The following LRCH3 variants were observed in gnomAD, a reference collection of about 807,000 sequenced individuals.
LRCH3 encodes DISP complex protein LRCH3.
LRCH3 carries 68 observed loss-of-function variants against 104.5 expected under a neutral mutation model. The observed-to-expected ratio is 0.65, with a 90% CI of 0.54 to 0.80. The LOEUF is 0.80. Among genes scored for constraint, LRCH3 ranks in the 30% least tolerant of loss-of-function variants. The pLI, the probability that LRCH3 is intolerant of heterozygous loss-of-function variation, is 0.00. For synonymous variants in LRCH3, 344 were observed against 361.3 expected, an observed-to-expected ratio of 0.95 and a Z score of 0.54; for missense variants, 951 against 953.9, an observed-to-expected ratio of 1.00 and a Z score of 0.04.
At chr3:197,864,638 AC>A (rs1741264136) in intron 15 of LRCH3, among the ~76,000 whole-genome samples, 1 of 150,774 alleles carries the variant, frequency 6.6e-6, no homozygotes, top group Admixed American at 6.6e-5. Flanking sequence ...AAACAAAAAA[AC>A]AAAAACTTGG....
At chr3:197,877,871 G>A (rs1434981928) in intron 20 of LRCH3, among the ~76,000 whole-genome samples, 1 of 151,804 alleles carries the variant, frequency 6.6e-6, no homozygotes, top group African/African-American at 2.4e-5. Context: ...CAAAATTTTC[G>A]TTTTTATATT....
chr3:197,798,324 G>A (rs1338492383), intron 1 of LRCH3, among the ~76,000 whole-genome samples: 6 of 152,140 alleles, frequency 3.9e-5, no homozygotes, highest in Admixed American at 2.0e-4. Flanking sequence ...TATTCTTAAC[G>A]TTGTATAGTG....
At chr3:197,823,697 C>T (rs1221144848) in intron 4 of LRCH3, among the ~76,000 whole-genome samples, 1 of 151,748 alleles carries the variant, frequency 6.6e-6, no homozygotes, top group East Asian at 2.0e-4. Flanking sequence ...ACCATGTTCC[C>T]CTGGCTGGTC....
chr3:197,831,088 T>G (rs1735871732), intron 7 of LRCH3: 1 of 409,954 alleles, frequency 2.4e-6, no homozygotes, highest in African/African-American at 2.0e-5. Flanking sequence ...CTCATGGAAA[T>G]AGTTTCATAT....
intron 10 of LRCH3, among the ~76,000 whole-genome samples, chr3:197,841,250 G>A (rs1737758153): frequency 1.1e-4 from 16 of 152,126 alleles, no homozygotes; most frequent in Admixed American, 1.0e-3. Context: ...AATTCAGTTT[G>A]ATGCAGTTAC....
chr3:197,882,517 C>CAAAA (rs1199254858), intron 20 of LRCH3: 177 of 861,734 alleles, frequency 2.1e-4, no homozygotes, highest in African/African-American at 1.5e-3. Context: ...CAATGAAAAG[C>CAAAA]AAAACAAAAA....
At chr3:197,797,145 T>G (rs530985529) in intron 1 of LRCH3, among the ~76,000 whole-genome samples, 1 of 151,614 alleles carries the variant, frequency 6.6e-6, no homozygotes, top group Admixed American at 6.6e-5. Flanking sequence ...CTGGCCAACA[T>G]GGTGAAACCC....
At chr3:197,817,414 A>G (rs1254377354) in intron 3 of LRCH3, 112 bp downstream of exon 3, 7 of 202,166 alleles carry the variant, frequency 3.5e-5, no homozygotes, top group African/African-American at 2.1e-4. Context: ...ACAAAGTCAT[A>G]CCATAGTCTT....
At chr3:197,835,846 A>G in intron 9 of LRCH3, 24 bp downstream of exon 9, 1 of 1,609,680 alleles carries the variant, frequency 6.2e-7, no homozygotes, top group Non-Finnish European at 8.5e-7. Context: ...TGAAGCCTAA[A>G]TATGTTGCTA....
At chr3:197,868,540 A>T (rs9838629) in intron 17 of LRCH3, among the ~76,000 whole-genome samples, 4,585 of 152,292 alleles carry the variant, frequency 0.03, 246 homozygotes, top group African/African-American at 0.11. Context: ...TGTACCAACA[A>T]CGTGTACAAA....
rs755485845 is a variant in LRCH3 at position 197,885,665 on chromosome 3, A to G, written c.*1999A>G. The G allele has an allele frequency of 6.6e-6, 1 of 152,302 alleles. No individual in the cohort carries two copies. The highest frequency in any genetic ancestry group is 1.9e-4 in the East Asian group (1 of 5,174). The allele number at this position is 152,302 out of a possible 1,614,324, so 9.4% of individuals were successfully genotyped here. Reference sequence around the variant, plus strand: ...CACCACAAGCGCCTTTATATACTCAATGATGGGTGGAGGAAAAGGGCCCAA... The same window carrying G: ...CACCACAAGCGCCTTTATATACTCAGTGATGGGTGGAGGAAAAGGGCCCAA... On this transcript the variant is annotated 3_prime_UTR_variant, in exon 21 of 21. Coordinates refer to ENST00000425562, the MANE Select transcript of LRCH3 (RefSeq NM_001365715.1).
intron 1 of LRCH3, among the ~76,000 whole-genome samples, chr3:197,807,420 A>T (rs1732632662): frequency 6.6e-6 from 1 of 151,758 alleles, no homozygotes; most frequent in African/African-American, 2.4e-5. Flanking sequence ...ACGGGGTTTC[A>T]CCGGGTTAGC....
At chr3:197,859,121 TCA>T in intron 15 of LRCH3, 2 of 532,264 alleles carry the variant, frequency 3.8e-6, no homozygotes, top group Non-Finnish European at 6.7e-6. Context: ...TTCTTCGTAT[TCA>T]GATTGTTTGA....
chr3:197,815,432 T>G (rs1733692361), intron 2 of LRCH3, among the ~76,000 whole-genome samples: 1 of 152,228 alleles, frequency 6.6e-6, no homozygotes, highest in African/African-American at 2.4e-5. Flanking sequence ...TAATAAAGTA[T>G]TGAATAGCTG....
At chr3:197,858,154 T>A (rs1163176005) in intron 14 of LRCH3, among the ~76,000 whole-genome samples, 1 of 152,200 alleles carries the variant, frequency 6.6e-6, no homozygotes, top group South Asian at 2.1e-4. Flanking sequence ...AAAATTGTCA[T>A]GTTTTGAGCA....
At chr3:197,819,331 CA>C (rs1560538606) in intron 3 of LRCH3, among the ~76,000 whole-genome samples, 2 of 60,028 alleles carry the variant, frequency 3.3e-5, no homozygotes, top group Non-Finnish European at 8.2e-5. Flanking sequence ...TCTATGCTTT[CA>C]ACTTTTTTTT....
chr3:197,870,147 A>G lies in LRCH3; in HGVS notation c.1874-13A>G. On this transcript the variant is annotated splice_polypyrimidine_tract_variant and intron_variant, in intron 17 of 20. Transcript: ENST00000425562. ...CAGTTGCCTTTCTGTCTTACATATT[A>G]ATATTTTTATAGGTCATGCTTCACC... 1 of 1,610,018 alleles carries G rather than the reference A, an allele frequency of 6.2e-7. No homozygotes were observed. The highest frequency in any genetic ancestry group is 1.1e-5 in the South Asian group (1 of 90,640).
In LRCH3 at chr3:197,791,467, C is replaced by A; in HGVS notation, c.189C>A (p.Ser63Arg). 6.2e-7 allele frequency: 1 copy of A among 1,600,720 alleles called. No individual in the cohort carries two copies. The change falls in exon 1 of 21, where the codon AGC (serine) becomes AGA (arginine). Residue 63 changes from serine to arginine, a missense_variant. Coordinates refer to ENST00000425562, the MANE Select transcript of LRCH3 (RefSeq NM_001365715.1). Reference protein sequence around the residue: ...LEEAAVTGVLSLSGRKLREFP... With the variant: ...LEEAAVTGVLRLSGRKLREFP... ...AGGCGGCGGTCACTGGGGTGCTGAG[C>A]CTGAGCGGCCGGAAACTGAGGGAGT...
chr3:197,838,654 G>C (rs140201632), intron 9 of LRCH3, among the ~76,000 whole-genome samples: 1 of 151,928 alleles, frequency 6.6e-6, no homozygotes, highest in Non-Finnish European at 1.5e-5. Flanking sequence ...TTTTCAGTGC[G>C]TGGTCTGTAT....
Sources: allele counts gnomAD v4.1 joint callset (sites outside exome capture counted in the v4.1 genomes callset), GRCh38; gene constraint gnomAD v4.1.1; transcripts MANE v1.5; gene names NCBI Gene and HGNC (gene_info 2026-07-23, HGNC 2026-07-21).